TRAPPC12: variants seen among roughly 807,000 people sequenced by gnomAD.
TRAPPC12 encodes the protein trafficking protein particle complex subunit 12, also known as TPR repeat protein 15.
Under a neutral mutation model 69.2 loss-of-function variants are expected in TRAPPC12, and 61 were observed. That is an observed-to-expected ratio of 0.88 (90% CI 0.72 to 1.09). The LOEUF is 1.09. Among genes scored for constraint, TRAPPC12 ranks in the 50% least tolerant of loss-of-function variants. The pLI, the probability that TRAPPC12 is intolerant of heterozygous loss-of-function variation, is 0.00. For missense variants in TRAPPC12, 1,101 were observed against 1,016.4 expected, an observed-to-expected ratio of 1.08 and a Z score of -1.13; for synonymous variants, 469 against 438.9, an observed-to-expected ratio of 1.07 and a Z score of -0.86.
chr2:3,418,038 C>CAA (rs1158063900), intron 3 of TRAPPC12, among the ~76,000 whole-genome samples: 326 of 69,866 alleles, frequency 4.7e-3, no homozygotes, highest in African/African-American at 0.016. Flanking sequence ...GACTCTGTCT[C>CAA]AAAAAAAAAA....
At chr2:3,462,611 A>G (rs1034711444) in intron 8 of TRAPPC12, among the ~76,000 whole-genome samples, 1 of 152,284 alleles carries the variant, frequency 6.6e-6, no homozygotes, top group Non-Finnish European at 1.5e-5. Context: ...AAATGTATTC[A>G]TACGTTTTAG....
At chr2:3,412,800 TCTG>T (rs1294840395) in intron 3 of TRAPPC12, among the ~76,000 whole-genome samples, 1 of 152,190 alleles carries the variant, frequency 6.6e-6, no homozygotes, top group African/African-American at 2.4e-5. Context: ...TGTGACCTGT[TCTG>T]TTGTTTTAGA....
At chr2:3,407,405 A>G (rs1661790854) in intron 3 of TRAPPC12, among the ~76,000 whole-genome samples, 1 of 147,560 alleles carries the variant, frequency 6.8e-6, no homozygotes, top group Admixed American at 6.8e-5. Flanking sequence ...TAACTTCATT[A>G]TTAGAATTTT....
intron 1 of TRAPPC12, among the ~76,000 whole-genome samples, chr2:3,380,987 C>T (rs116242750): frequency 0.013 from 1,921 of 152,250 alleles, 37 homozygotes; most frequent in African/African-American, 0.045. Context: ...TCTGCCCACC[C>T]CTGCCTGGCA....
chr2:3,424,875 T>G (rs1443202773), intron 5 of TRAPPC12, among the ~76,000 whole-genome samples: 1 of 152,246 alleles, frequency 6.6e-6, no homozygotes, highest in Non-Finnish European at 1.5e-5. Flanking sequence ...CATCTGTTTG[T>G]ACATTTAGCA....
intron 2 of TRAPPC12, among the ~76,000 whole-genome samples, chr2:3,398,620 G>C (rs1267029976): frequency 1.3e-5 from 2 of 152,170 alleles, no homozygotes; most frequent in Non-Finnish European, 2.9e-5. Flanking sequence ...TCAGTCCACT[G>C]CTCTGGCTTC....
intron 6 of TRAPPC12, among the ~76,000 whole-genome samples, chr2:3,446,005 C>T (rs1009741015): frequency 2.6e-5 from 4 of 152,170 alleles, no homozygotes; most frequent in Non-Finnish European, 4.4e-5. Context: ...AGCTAAGCAT[C>T]GTAGGGTTGG....
intron 1 of TRAPPC12, among the ~76,000 whole-genome samples, chr2:3,380,506 CAG>C (rs1660157645): frequency 6.6e-6 from 1 of 152,226 alleles, no homozygotes; most frequent in Admixed American, 6.5e-5. Flanking sequence ...CACTACGAAA[CAG>C]TGTAGCCCCA....
intron 3 of TRAPPC12, among the ~76,000 whole-genome samples, chr2:3,410,379 G>A (rs1479388166): frequency 1.3e-5 from 2 of 152,076 alleles, no homozygotes; most frequent in African/African-American, 4.8e-5. Flanking sequence ...AATTAAGATG[G>A]TAGGCATTTG....
intron 1 of TRAPPC12, among the ~76,000 whole-genome samples, chr2:3,386,442 C>T (rs1660496576): frequency 6.6e-6 from 1 of 152,196 alleles, no homozygotes; most frequent in Non-Finnish European, 1.5e-5. Context: ...TTTCGGCTTA[C>T]ATAGCCTCCC....
intron 2 of TRAPPC12, among the ~76,000 whole-genome samples, chr2:3,395,169 A>G (rs1661054982): frequency 6.6e-6 from 1 of 152,204 alleles, no homozygotes; most frequent in African/African-American, 2.4e-5. Flanking sequence ...ATTATTTTGT[A>G]TCCATGGTAT....
chr2:3,423,562 T>G (rs1662940016), intron 4 of TRAPPC12, among the ~76,000 whole-genome samples: 1 of 151,592 alleles, frequency 6.6e-6, no homozygotes, highest in Non-Finnish European at 1.5e-5. Flanking sequence ...AGTTCAGTGT[T>G]TTCAGATTCC....
chr2:3,448,997 C>CT (rs1664707538), intron 6 of TRAPPC12, among the ~76,000 whole-genome samples: 1 of 152,192 alleles, frequency 6.6e-6, no homozygotes, highest in African/African-American at 2.4e-5. Context: ...CATTTAGGAT[C>CT]TTTACAAACG....
intron 5 of TRAPPC12, among the ~76,000 whole-genome samples, chr2:3,426,370 CTG>C (rs1349040074): frequency 6.6e-6 from 1 of 152,248 alleles, no homozygotes; most frequent in Non-Finnish European, 1.5e-5. Context: ...ACGTAGGACT[CTG>C]TGTCATCCAG....
intron 10 of TRAPPC12, 190 bp from the exon 11 acceptor site, chr2:3,478,656 C>T (rs560627915): frequency 1.8e-4 from 98 of 552,240 alleles, no homozygotes; most frequent in East Asian, 1.5e-3. Context: ...TAAATAAAAA[C>T]TAGAGTGGCT....
intron 3 of TRAPPC12, among the ~76,000 whole-genome samples, chr2:3,405,787 T>G (rs892402698): frequency 3.9e-5 from 6 of 152,250 alleles, no homozygotes; most frequent in Admixed American, 2.6e-4. Context: ...TTAAAAGAAG[T>G]ATATATTCCA....
chr2:3,396,239 G>GTT (rs59004841), intron 2 of TRAPPC12, among the ~76,000 whole-genome samples: 2 of 147,210 alleles, frequency 1.4e-5, no homozygotes. Context: ...AGGTTGACAG[G>GTT]TTTTTTTTTT....
intron 4 of TRAPPC12, among the ~76,000 whole-genome samples, chr2:3,423,129 A>G (rs1052713916): frequency 4.6e-5 from 7 of 152,188 alleles, no homozygotes; most frequent in African/African-American, 1.7e-4. Context: ...CAGGCTGCCT[A>G]AAGAGGGTGA....
intron 5 of TRAPPC12, among the ~76,000 whole-genome samples, chr2:3,435,334 T>TG (rs1055361556): frequency 2.2e-4 from 34 of 152,278 alleles, no homozygotes; most frequent in South Asian, 1.0e-3. Context: ...TAACTGTTAC[T>TG]GGGGGGGCAG....
Sources: gnomAD v4.1 joint callset for allele counts (sites outside exome capture counted in the v4.1 genomes callset) on GRCh38, gnomAD v4.1.1 for gene constraint, MANE v1.5 for transcripts, NCBI Gene and HGNC (gene_info 2026-07-23, HGNC 2026-07-21) for gene names.